Variants in ARHGAP6 observed in about 807,000 individuals in gnomAD.
ARHGAP6 encodes the protein Rho GTPase activating protein 6, also known as rho GTPase-activating protein 6.
In ARHGAP6, 16 loss-of-function variants were observed where a neutral mutation model predicts 55.7. That is an observed-to-expected ratio of 0.29 (90% confidence interval 0.19 to 0.44). The LOEUF is 0.44. ARHGAP6 is among the 20% of genes least tolerant of loss of function. The pLI is 1.00. For missense variants in ARHGAP6, 698 were observed against 808.9 expected, an observed-to-expected ratio of 0.86 and a Z score of 1.66; for synonymous variants, 382 against 360.9, an observed-to-expected ratio of 1.06 and a Z score of -0.66.
At chrX:11,160,059 C>CT (rs768142157) in intron 9 of ARHGAP6, among the ~76,000 whole-genome samples, 2 of 110,999 alleles carry the variant, frequency 1.8e-5, no homozygotes, top group South Asian at 7.7e-4. Flanking sequence ...GTCCCGATCT[C>CT]TTTTTTAGAA....
chrX:11,372,784 A>G (rs1248602613), intron 1 of ARHGAP6, among the ~76,000 whole-genome samples: 1 of 106,369 alleles, frequency 9.4e-6, no homozygotes, highest in East Asian at 2.9e-4. Context: ...AAAAAAAAAA[A>G]AAAAAAAAAA....
At chrX:11,589,612 A>G (rs769415308) in intron 1 of ARHGAP6, among the ~76,000 whole-genome samples, 20 of 110,007 alleles carry the variant, frequency 1.8e-4, no homozygotes, top group Non-Finnish European at 3.6e-4. Flanking sequence ...TTTCTGAGTG[A>G]AGGAAAAAAG....
At chrX:11,330,311 T>C (rs1002600475) in intron 1 of ARHGAP6, among the ~76,000 whole-genome samples, 8 of 112,851 alleles carry the variant, frequency 7.1e-5, no homozygotes, top group Non-Finnish European at 1.5e-4. Flanking sequence ...AATGTTCTAA[T>C]CACAAAAAGA....
intron 1 of ARHGAP6, among the ~76,000 whole-genome samples, chrX:11,506,351 A>T (rs1260461444): frequency 9.1e-6 from 1 of 110,169 alleles, no homozygotes; most frequent in Admixed American, 9.7e-5. Context: ...TCAACCTATC[A>T]CCTACATTAG....
At chrX:11,444,439 G>A (rs2050071910) in intron 1 of ARHGAP6, among the ~76,000 whole-genome samples, 1 of 112,355 alleles carries the variant, frequency 8.9e-6, no homozygotes, top group African/African-American at 3.2e-5. Context: ...TACTGAAGGA[G>A]GTGGTAAAAA....
chrX:11,542,971 G>T (rs1181396204), intron 1 of ARHGAP6, among the ~76,000 whole-genome samples: 1 of 111,765 alleles, frequency 8.9e-6, no homozygotes, highest in African/African-American at 3.3e-5. Context: ...CTGACCATGA[G>T]TCGACACCCA....
chrX:11,442,424 C>T (rs939450241), intron 1 of ARHGAP6, among the ~76,000 whole-genome samples: 2 of 111,488 alleles, frequency 1.8e-5, no homozygotes, highest in Non-Finnish European at 3.8e-5. Flanking sequence ...TATTCAGCTT[C>T]CCACATAAGA....
intron 1 of ARHGAP6, among the ~76,000 whole-genome samples, chrX:11,521,322 A>C (rs2050923534): frequency 8.9e-6 from 1 of 111,751 alleles, no homozygotes; most frequent in South Asian, 3.7e-4. Context: ...ATCCATCTTG[A>C]ATTGATTTTT....
chrX:11,467,041 G>A (rs772035506), intron 1 of ARHGAP6, among the ~76,000 whole-genome samples: 1 of 112,136 alleles, frequency 8.9e-6, no homozygotes, highest in Admixed American at 9.4e-5. Context: ...GTTGAATGTG[G>A]TGAATCTAAA....
chrX:11,292,751 C>T (rs1418583663), intron 1 of ARHGAP6, among the ~76,000 whole-genome samples: 1 of 112,292 alleles, frequency 8.9e-6, no homozygotes, highest in Non-Finnish European at 1.9e-5. Context: ...TTTGCTACTG[C>T]AAGAACCTTA....
chrX:11,397,344 G>A (rs1395619707), intron 1 of ARHGAP6, among the ~76,000 whole-genome samples: 1 of 111,472 alleles, frequency 9.0e-6, no homozygotes, highest in Non-Finnish European at 1.9e-5. Flanking sequence ...GGAAGCACAT[G>A]GGAAAGGGTA....
intron 1 of ARHGAP6, among the ~76,000 whole-genome samples, chrX:11,423,819 C>T (rs974512877): frequency 8.9e-6 from 1 of 111,773 alleles, no homozygotes; most frequent in Admixed American, 9.5e-5. Context: ...ATAATGGACA[C>T]TGATTTGCTT....
chrX:11,433,336 T>C (rs1260570275), intron 1 of ARHGAP6, among the ~76,000 whole-genome samples: 1 of 112,369 alleles, frequency 8.9e-6, no homozygotes, highest in African/African-American at 3.2e-5. Flanking sequence ...CAGTAGGTTC[T>C]ATTTGGTATT....
At chrX:11,265,911 C>T in intron 1 of ARHGAP6, 4 of 953,293 alleles carry the variant, frequency 4.2e-6, no homozygotes, top group Non-Finnish European at 5.3e-6. Flanking sequence ...ATCTTGGGAC[C>T]AAAAATATGC....
At chrX:11,372,771 CAAAAAAAAAAAAAAAA>C (rs1171647934) in intron 1 of ARHGAP6, among the ~76,000 whole-genome samples, 6 of 14,354 alleles carry the variant, frequency 4.2e-4, no homozygotes, top group African/African-American at 1.7e-3. Context: ...GACTCCATCT[CAAAAAAAAAAAAAAAA>C]AAAAAAAAAG....
chrX:11,190,380 G>A (rs1461605329), intron 3 of ARHGAP6, among the ~76,000 whole-genome samples: 3 of 107,378 alleles, frequency 2.8e-5, no homozygotes, highest in Non-Finnish European at 5.8e-5. Flanking sequence ...TCTCACTATT[G>A]ATAATAGGCT....
chrX:11,346,719 A>AAAAGAAAGAAAGAAAGAAAG (rs74803792), intron 1 of ARHGAP6, among the ~76,000 whole-genome samples: 4,637 of 92,288 alleles, frequency 0.05, 149 homozygotes, highest in Middle Eastern at 0.14. Flanking sequence ...AAGAAGAAAG[A>AAAAGAAAGAAAGAAAGAAAG]AAAGAAAGAA....
chrX:11,553,648 A>T (rs2051292970), intron 1 of ARHGAP6, among the ~76,000 whole-genome samples: 1 of 112,224 alleles, frequency 8.9e-6, no homozygotes, highest in Admixed American at 9.4e-5. Context: ...GAAGCAATTC[A>T]CCATTAAGTT....
chrX:11,572,329 C>A (rs1226743179), intron 1 of ARHGAP6, among the ~76,000 whole-genome samples: 1 of 109,471 alleles, frequency 9.1e-6, no homozygotes, highest in Non-Finnish European at 1.9e-5. Flanking sequence ...CTAATGCTAT[C>A]CCTCCCCCCT....
Sources: allele counts gnomAD v4.1 joint callset (sites outside exome capture counted in the v4.1 genomes callset), GRCh38; gene constraint gnomAD v4.1.1; transcripts MANE v1.5; gene names NCBI Gene and HGNC (gene_info 2026-07-23, HGNC 2026-07-21).